Variants in PHEX observed in about 807,000 individuals in gnomAD.
PHEX encodes the protein phosphate regulating endopeptidase X-linked.
Under a neutral mutation model 68.0 loss-of-function variants are expected in PHEX, and 16 were observed. The ratio of observed to expected loss-of-function variants is 0.24; its 90% CI spans 0.16 to 0.36. PHEX has a LOEUF of 0.36. PHEX is among the 10% of genes least tolerant of loss of function. The pLI, the probability that PHEX is intolerant of heterozygous loss-of-function variation, is 1.00. For synonymous variants in PHEX, 208 were observed against 205.1 expected, an observed-to-expected ratio of 1.01 and a Z score of -0.12; for missense variants, 480 against 575.5, an observed-to-expected ratio of 0.83 and a Z score of 1.70.
intron 11 of PHEX, among the ~76,000 whole-genome samples, chrX:22,117,659 T>C (rs965478397): frequency 8.9e-6 from 1 of 111,777 alleles, no homozygotes; most frequent in African/African-American, 3.2e-5. Context: ...GGATTAAACT[T>C]GTTTTTCTCA....
chrX:22,122,327 G>T (rs1389943889), intron 11 of PHEX, among the ~76,000 whole-genome samples: 1 of 111,201 alleles, frequency 9.0e-6, no homozygotes, highest in East Asian at 2.8e-4. Flanking sequence ...AGTAAGTGGT[G>T]TTGGTTATTA....
chrX:22,198,816 C>T (rs1172336507), intron 15 of PHEX, among the ~76,000 whole-genome samples: 1 of 111,491 alleles, frequency 9.0e-6, no homozygotes, highest in African/African-American at 3.3e-5. Flanking sequence ...TCTGTTTTCA[C>T]ACTGCTAGTA....
chrX:22,115,036 C>T (rs890013197), intron 11 of PHEX, among the ~76,000 whole-genome samples: 2 of 111,130 alleles, frequency 1.8e-5, no homozygotes, highest in Non-Finnish European at 3.8e-5. Context: ...TGTATATATT[C>T]GAAGTATACG....
chrX:22,055,174 C>CAAAAAAAAAAAAAAAAAAAAAAAAAAAA (rs111628195), intron 3 of PHEX, among the ~76,000 whole-genome samples: 5 of 66,087 alleles, frequency 7.6e-5, no homozygotes, highest in African/African-American at 9.7e-5. Context: ...GACTCCAGCT[C>CAAAAAAAAAAAAAAAAAAAAAAAAAAAA]AAAAAAAAAA....
intron 6 of PHEX, among the ~76,000 whole-genome samples, chrX:22,091,612 G>C (rs1006074427): frequency 1.8e-5 from 2 of 111,716 alleles, no homozygotes; most frequent in Non-Finnish European, 3.8e-5. Context: ...CCAAGACAGG[G>C]TCTAAATTCT....
At chrX:22,094,455 T>C (rs1316604206) in intron 7 of PHEX, among the ~76,000 whole-genome samples, 2 of 112,324 alleles carry the variant, frequency 1.8e-5, no homozygotes, top group African/African-American at 6.5e-5. Context: ...AGATGTTTAA[T>C]AAATCCTTAG....
chrX:22,198,112 T>A (rs1442198189), intron 15 of PHEX, among the ~76,000 whole-genome samples: 1 of 101,546 alleles, frequency 9.8e-6, no homozygotes, highest in Non-Finnish European at 1.9e-5. Flanking sequence ...TTATATATTA[T>A]AAATTATACA....
intron 20 of PHEX, among the ~76,000 whole-genome samples, chrX:22,244,139 T>C (rs911970511): frequency 9.0e-6 from 1 of 111,423 alleles, no homozygotes; most frequent in Admixed American, 9.5e-5. Context: ...TGCAGGGACA[T>C]GGATGAAGCT....
chrX:22,211,093 C>G (rs757722888), intron 15 of PHEX, among the ~76,000 whole-genome samples: 1 of 112,037 alleles, frequency 8.9e-6, no homozygotes, highest in East Asian at 2.8e-4. Flanking sequence ...ATTCTTTGCT[C>G]TATCAGCTGT....
chrX:22,158,487 C>T (rs945862378), intron 12 of PHEX, among the ~76,000 whole-genome samples: 2 of 112,142 alleles, frequency 1.8e-5, no homozygotes, highest in Non-Finnish European at 3.8e-5. Context: ...GTATACTAAA[C>T]ATACAGCTAT....
At chrX:22,041,620 T>C (rs915875770) in intron 2 of PHEX, among the ~76,000 whole-genome samples, 1 of 109,959 alleles carries the variant, frequency 9.1e-6, no homozygotes, top group Non-Finnish European at 1.9e-5. Flanking sequence ...TTTTCTCCAG[T>C]GGTGAGAGAT....
intron 20 of PHEX, 95 bp downstream of exon 20, chrX:22,227,706 A>G: frequency 1.7e-6 from 1 of 579,005 alleles, no homozygotes. Flanking sequence ...GTTTAATGGC[A>G]TGACTTTGAT....
intron 11 of PHEX, among the ~76,000 whole-genome samples, chrX:22,123,944 G>A (rs778436874): frequency 2.8e-5 from 3 of 106,441 alleles, no homozygotes; most frequent in South Asian, 8.5e-4. Flanking sequence ...CCATTTTCCC[G>A]CCTCAGCCTC....
chrX:22,228,244 G>C (rs968149665), intron 20 of PHEX, among the ~76,000 whole-genome samples: 5 of 111,934 alleles, frequency 4.5e-5, no homozygotes, highest in African/African-American at 9.8e-5. Context: ...TATTATACTG[G>C]TTTATGTCAT....
At chrX:22,095,826 A>G (rs1459282993) in intron 7 of PHEX, among the ~76,000 whole-genome samples, 1 of 112,431 alleles carries the variant, frequency 8.9e-6, no homozygotes, top group African/African-American at 3.2e-5. Flanking sequence ...TTAGTGGGAT[A>G]CATAGTCCTA....
chrX:22,239,143 G>GAGTT (rs1936092516), intron 20 of PHEX, among the ~76,000 whole-genome samples: 1 of 111,830 alleles, frequency 8.9e-6, no homozygotes, highest in African/African-American at 3.3e-5. Context: ...GAGGAGCCCT[G>GAGTT]AGTTAGAAGG....
At chrX:22,230,229 CTTTTTTTTTTTTTTTTTTTT>C (rs140475343) in intron 20 of PHEX, among the ~76,000 whole-genome samples, 10 of 10,923 alleles carry the variant, frequency 9.2e-4, no homozygotes, top group South Asian at 7.6e-3. Context: ...TATATGGGCT[CTTTTTTTTTTTTTTTTTTTT>C]TTTTTTTTTT....
intron 12 of PHEX, among the ~76,000 whole-genome samples, chrX:22,139,407 G>A (rs1472131690): frequency 1.8e-5 from 2 of 112,207 alleles, no homozygotes; most frequent in African/African-American, 3.2e-5. Flanking sequence ...AACAAATTCA[G>A]TATTGTCGTT....
In PHEX at chrX:22,144,392, T is replaced by C. The variant is rs190802262; in HGVS notation, c.1404+10768T>C. 1.6e-3 allele frequency among the ~76,000 whole-genome samples: 178 copies of C among 111,637 alleles called. 1 individual carries two copies. The highest frequency in any genetic ancestry group is 2.8e-3 in the Non-Finnish European group (149 of 53,146). On this transcript the variant is annotated intron_variant, in intron 12 of 21. Transcript: ENST00000379374. ...TTGCCTCTAATATTTAAAAATATTT[T>C]TATGGAAATTTAAAAATGTACGCAA... is the stretch of plus-strand genomic sequence containing the variant.
Sources: gnomAD v4.1 joint callset for allele counts (sites outside exome capture counted in the v4.1 genomes callset) on GRCh38, gnomAD v4.1.1 for gene constraint, MANE v1.5 for transcripts, NCBI Gene and HGNC (gene_info 2026-07-23, HGNC 2026-07-21) for gene names.